Variants in KREMEN1 observed in about 807,000 individuals in gnomAD.
The protein encoded by KREMEN1 is kringle containing transmembrane protein 1, also known as kremen protein 1.
In KREMEN1, 30 loss-of-function variants were observed where a neutral mutation model predicts 46.5. That is an observed-to-expected ratio of 0.65 (90% CI 0.48 to 0.88). The LOEUF (loss-of-function observed/expected upper bound fraction) is 0.88, where lower values mean the gene tolerates loss of function less well. KREMEN1 is among the 40% of genes least tolerant of loss of function. The pLI, the probability that KREMEN1 is intolerant of heterozygous loss-of-function variation, is 0.00. For synonymous variants in KREMEN1, 214 were observed against 230.6 expected (o/e 0.93, Z 0.65); for missense variants, 533 against 596.9 (o/e 0.89, Z 1.11).
downstream of KREMEN1, among the ~76,000 whole-genome samples, chr22:29,150,027 T>C (rs2038902828): frequency 6.6e-6 from 1 of 152,220 alleles, no homozygotes; most frequent in Non-Finnish European, 1.5e-5. Context: ...GGGAAGCTTT[T>C]GTTCCTCTGT....
chr22:29,168,333 CAA>C (rs60121498), downstream of KREMEN1: 405 of 79,190 alleles, frequency 5.1e-3, no homozygotes, highest in Middle Eastern at 0.018. Flanking sequence ...GACCCTGTCT[CAA>C]AAAAAAAAAA....
chr22:29,149,874 C>A (rs1343178133), downstream of KREMEN1, among the ~76,000 whole-genome samples: 1 of 152,132 alleles, frequency 6.6e-6, no homozygotes, highest in African/African-American at 2.4e-5. Context: ...GTCAGGCAGT[C>A]AAAGGCTCTT....
At chr22:29,104,740 A>C (rs2038027089) in intron 3 of KREMEN1, among the ~76,000 whole-genome samples, 3 of 152,112 alleles carry the variant, frequency 2.0e-5, no homozygotes, top group Non-Finnish European at 4.4e-5. Context: ...CTAAAAATAC[A>C]AAAATAAACT....
At position 29,144,501 on chromosome 22, in the gene KREMEN1, C is replaced by T. The variant is rs1381537677; in HGVS notation, c.*2389C>T. 5 of 985,506 alleles carry T rather than the reference C, an allele frequency of 5.1e-6. No individual in the cohort carries two copies. The highest frequency in any genetic ancestry group is 6.0e-6 in the Non-Finnish European group (5 of 829,976). 61.0% of individuals were successfully genotyped at this position (985,506 alleles called of 1,614,324 possible). ...CTTTGATCTGGAAAGAGCAGCTGTC[C>T]GCAGGCCTCTGTCTCCAAGAGGCCT... On this transcript the variant is annotated 3_prime_UTR_variant, in exon 9 of 9. Coordinates refer to ENST00000400335, the MANE Select transcript of KREMEN1 (RefSeq NM_001039570.3).
Position 29,073,440 on chromosome 22 carries a change from T to A in KREMEN1, c.97+213T>A, listed in dbSNP as rs1304562956. ...TCATCGACGCCCCCGGGCCCGGTAC[T>A]GTCCCCCGGCTGCAGGACCCGGTGC... On this transcript the variant is annotated intron_variant, in intron 1 of 8. Coordinates refer to ENST00000400335, the MANE Select transcript of KREMEN1 (RefSeq NM_001039570.3). This position sits in a 1 kb window ranked among gnomAD's most constrained non-coding sequence, Gnocchi z 4.4. 5.3e-5 allele frequency among the ~76,000 whole-genome samples: 8 copies of A among 151,826 alleles called. No homozygotes were observed. The highest frequency in any genetic ancestry group is 1.2e-4 in the Non-Finnish European group (8 of 67,910).
intron 1 of KREMEN1, among the ~76,000 whole-genome samples, chr22:29,084,897 G>T (rs138187109): frequency 6.6e-6 from 1 of 152,070 alleles, no homozygotes; most frequent in African/African-American, 2.4e-5. Context: ...CTTTCCTTCC[G>T]TACTGTTTTT....
chr22:29,079,492 A>G (rs1188959220), intron 1 of KREMEN1, among the ~76,000 whole-genome samples: 1 of 152,232 alleles, frequency 6.6e-6, no homozygotes, highest in Non-Finnish European at 1.5e-5. Flanking sequence ...TCAATTTGCC[A>G]CAAGGGCGGG....
chr22:29,101,866 C>G (rs576842496), intron 3 of KREMEN1, among the ~76,000 whole-genome samples: 1 of 152,086 alleles, frequency 6.6e-6, no homozygotes, highest in Non-Finnish European at 1.5e-5. Flanking sequence ...GTTCTCAGAG[C>G]GAAACCTTGC....
At chr22:29,164,622 T>C (rs1461853493) in intron 9 of KREMEN1, among the ~76,000 whole-genome samples, 4 of 151,594 alleles carry the variant, frequency 2.6e-5, no homozygotes, top group Non-Finnish European at 5.9e-5. Context: ...GGCGGGTGCC[T>C]GTAATCCCAG....
rs535000761 is a variant in KREMEN1, at chr22:29,102,713, C to T, written c.352+3760C>T. ...TATGCCTCTAATTTGTAATATTTACCGGATATGCTTTCCTGTTCCAAAAAA... is the reference window on the plus strand; with the variant it reads ...TATGCCTCTAATTTGTAATATTTACTGGATATGCTTTCCTGTTCCAAAAAA... On this transcript the variant is annotated intron_variant, in intron 3 of 8. Transcript: ENST00000400335. Among the ~76,000 whole-genome samples, 314 of 152,184 alleles carry T rather than the reference C, an allele frequency of 2.1e-3. 1 individual carries two copies. The highest frequency in any genetic ancestry group is 3.8e-3 in the Non-Finnish European group (256 of 68,008).
rs1465570610 is a variant in KREMEN1 at position 29,121,456 on chromosome 22, G to A, written c.452G>A (p.Ser151Asn). 4 of 1,614,072 alleles carry A rather than the reference G, an allele frequency of 2.5e-6. No individual in the cohort carries two copies. The South Asian group carries it at 4.4e-5, about 18-fold the overall frequency. The change falls in exon 4 of 9, where the codon AGT becomes AAT. Residue 151 changes from serine to asparagine, a missense_variant. By Grantham distance (46) the Ser-to-Asn change is conservative. Coordinates refer to ENST00000400335, the MANE Select transcript of KREMEN1 (RefSeq NM_001039570.3). Reference sequence around the variant, plus strand: ...AAACTCACCATACAAACTTGCATCAGTTTTTGTCGGAGTCAGAGGTTCAAG... The same window carrying A: ...AAACTCACCATACAAACTTGCATCAATTTTTGTCGGAGTCAGAGGTTCAAG... ...SNKLTIQTCI[S>N]FCRSQRFKFA...
chr22:29,116,849 A>G (rs2038248304), intron 3 of KREMEN1, among the ~76,000 whole-genome samples: 1 of 152,166 alleles, frequency 6.6e-6, no homozygotes, highest in South Asian at 2.1e-4. Context: ...CAGTTGTTTA[A>G]ACCCTAAAAC....
intron 3 of KREMEN1, among the ~76,000 whole-genome samples, chr22:29,101,387 TA>T (rs1324768753): frequency 2.0e-5 from 3 of 151,988 alleles, no homozygotes; most frequent in Non-Finnish European, 4.4e-5. Flanking sequence ...GTTTATAAAG[TA>T]AAAAAGTTAT....
chr22:29,148,567 C>T (rs2038890582), downstream of KREMEN1, among the ~76,000 whole-genome samples: 1 of 151,946 alleles, frequency 6.6e-6, no homozygotes, highest in Non-Finnish European at 1.5e-5. Context: ...GATTCTCCTG[C>T]CTCAGCCTCC....
At chr22:29,148,102 G>A (rs1047996630), downstream of KREMEN1, among the ~76,000 whole-genome samples, 1 of 152,162 alleles carries the variant, frequency 6.6e-6, no homozygotes, top group Non-Finnish European at 1.5e-5. Flanking sequence ...GCCACTCTTC[G>A]ACATAAGGAA....
At position 29,073,291 on chromosome 22, in the gene KREMEN1, C is replaced by A; in HGVS notation, c.97+64C>A. The A allele has an allele frequency of 5.5e-6, 4 of 722,920 alleles. No homozygotes were observed. Among genetic ancestry groups the A allele is most frequent in the Non-Finnish European group, 7.3e-6 (4 of 548,890 alleles). 44.8% of individuals were successfully genotyped at this position (722,920 alleles called of 1,614,324 possible). A position where few individuals can be genotyped will look rare whatever the true frequency, so the allele number is the denominator to read the frequency against. ...AGCCCACTCGAGGGGCGACAAGGGC[C>A]GGCCGGCCTGAGAGCCCCCTCCCTC... is the stretch of plus-strand genomic sequence containing the variant. On this transcript the variant is annotated intron_variant, in intron 1 of 8. Coordinates refer to ENST00000400335, the MANE Select transcript of KREMEN1 (RefSeq NM_001039570.3). The surrounding 1 kb of genome is among the most constrained non-coding windows in gnomAD (Gnocchi z 4.4).
intron 4 of KREMEN1, among the ~76,000 whole-genome samples, chr22:29,122,847 A>G (rs927812251): frequency 5.5e-5 from 8 of 144,698 alleles, no homozygotes; most frequent in Non-Finnish European, 1.2e-4. Context: ...CTGAGGCGGG[A>G]GAATTGCTTG....
chr22:29,083,484 G>A (rs1464822699), intron 1 of KREMEN1, among the ~76,000 whole-genome samples: 2 of 152,132 alleles, frequency 1.3e-5, no homozygotes, highest in South Asian at 2.1e-4. Context: ...GTTGTGATAC[G>A]AGAAAGGGGT....
intron 5 of KREMEN1, among the ~76,000 whole-genome samples, chr22:29,132,952 T>C (rs529746996): frequency 3.3e-5 from 5 of 152,332 alleles, no homozygotes; most frequent in South Asian, 4.1e-4. Context: ...TTCAAGATTT[T>C]ATCTTTGGTT....
Sources: gnomAD v4.1 joint callset for allele counts (sites outside exome capture counted in the v4.1 genomes callset) on GRCh38, gnomAD v4.1.1 for gene constraint, Gnocchi (gnomAD v3.1) non-coding constraint, MANE v1.5 for transcripts, NCBI Gene and HGNC (gene_info 2026-07-23, HGNC 2026-07-21) for gene names.